The following RBM10 variants were observed in gnomAD, a reference collection of about 807,000 sequenced individuals.
RBM10 encodes the protein RNA binding motif protein 10.
Under a neutral mutation model 84.9 loss-of-function variants are expected in RBM10, and 1 was observed. The observed-to-expected ratio is 0.01, with a 90% CI of 0.00 to 0.06. The LOEUF is 0.06. Ranked by LOEUF, RBM10 falls within the 10% of genes least tolerant of loss-of-function variation. The pLI is 1.00. For missense variants in RBM10, 438 were observed against 839.0 expected (o/e 0.52, Z 5.90); for synonymous variants, 326 against 344.5 (o/e 0.95, Z 0.60).
Position 47,145,502 on chromosome X carries a change from G to GT in RBM10, c.-126+18dup, listed in dbSNP as rs782756726. The GT allele has an allele frequency of 8.7e-7, 1 of 1,150,099 alleles. No homozygotes were observed. Among genetic ancestry groups the GT allele is most frequent in the South Asian group, 1.9e-5 (1 of 52,288 alleles). The allele number at this position is 1,150,099 out of a possible 1,213,427, so 94.8% of individuals were successfully genotyped here. A position where few individuals can be genotyped will look rare whatever the true frequency, so the allele number is the denominator to read the frequency against. On this transcript the variant is annotated intron_variant, in intron 1 of 23. Transcript: ENST00000377604. The stretch of plus-strand genomic sequence containing the variant: ...GCCGAGAAGGTGAGCGTCGACGCTG[G>GT]TCGTGGGGGCGGAGGTAAGGGGCCC...
rs1157106607 is a variant in RBM10, at chrX:47,186,708, C to T, written c.*109C>T. The T allele has an allele frequency of 9.3e-5, 95 of 1,022,559 alleles. No homozygotes were observed. Among genetic ancestry groups the T allele is most frequent in the Non-Finnish European group, 1.2e-4 (91 of 732,692 alleles). 84.3% of individuals were successfully genotyped at this position (1,022,559 alleles called of 1,213,427 possible). A position where few individuals can be genotyped will look rare whatever the true frequency, so the allele number is the denominator to read the frequency against. On this transcript the variant is annotated 3_prime_UTR_variant, in exon 24 of 24. Transcript: ENST00000377604. ...CCTTGCTCTTGTCGGCCAGCCCACT[C>T]CCCAGCCAGAGAGGGCTTGACCAAA...
At chrX:47,148,497 T>C (rs896184808) in intron 2 of RBM10, among the ~76,000 whole-genome samples, 9 of 111,222 alleles carry the variant, frequency 8.1e-5, no homozygotes, top group Non-Finnish European at 1.3e-4. Flanking sequence ...CTGTCATAGG[T>C]CAGCAAAAGG....
chrX:47,169,556 GTGTC>G (rs1488796658), intron 3 of RBM10, 58 bp downstream of exon 3: 26 of 1,107,895 alleles, frequency 2.3e-5, no homozygotes, highest in Middle Eastern at 3.3e-4. Context: ...AGGGCCCTCT[GTGTC>G]TGGCTGCAGC....
intron 2 of RBM10, chrX:47,157,379 A>G (rs187226275): frequency 6.4e-6 from 2 of 314,366 alleles, no homozygotes; most frequent in East Asian, 1.5e-4. Flanking sequence ...GATTGAATAC[A>G]GTAGACATCT....
intron 6 of RBM10, among the ~76,000 whole-genome samples, chrX:47,176,062 T>G (rs2147154098): frequency 8.9e-6 from 1 of 112,946 alleles, no homozygotes; most frequent in African/African-American, 3.2e-5. Context: ...CTCTTTCTTT[T>G]TCCCCTTCTC....
At chrX:47,153,567 A>G (rs1249342486) in intron 2 of RBM10, among the ~76,000 whole-genome samples, 1 of 111,861 alleles carries the variant, frequency 8.9e-6, no homozygotes, top group Non-Finnish European at 1.9e-5. Flanking sequence ...ATTTATGTAT[A>G]TTTTTAAAAC....
chrX:47,159,798 A>G (rs781803916), intron 2 of RBM10, among the ~76,000 whole-genome samples: 1 of 111,896 alleles, frequency 8.9e-6, no homozygotes, highest in African/African-American at 3.2e-5. Flanking sequence ...CCGGACCCTT[A>G]CCTCTCACCA....
chrX:47,181,726 C>T (rs1425623930), intron 14 of RBM10, 23 bp from the exon 15 acceptor site: 2 of 1,210,598 alleles, frequency 1.7e-6, no homozygotes, highest in African/African-American at 3.5e-5. Context: ...GAGCCCTGTT[C>T]TCCTGTCTGG....
In RBM10 at chrX:47,186,476, C is replaced by T. The variant is rs149725208; in HGVS notation, c.2670C>T (p.Ala890=). The T allele has an allele frequency of 8.3e-7, 1 of 1,205,957 alleles. No homozygotes were observed. The highest frequency in any genetic ancestry group is 1.1e-6 in the Non-Finnish European group (1 of 892,688). ...CAGAGCCTGCCTCCCTCACACAGGC[C>T]CAAACACGGGTGCGGGGCTCCGGCC... ...KKQGIVTPIE[A]QTRVRGSGLG... is the part of the protein sequence containing the mutation. The change falls in exon 24 of 24, where the codon GCC becomes GCT. Residue 890 remains alanine, a splice_region_variant and synonymous_variant. Coordinates refer to ENST00000377604, the MANE Select transcript of RBM10 (RefSeq NM_005676.5).
At chrX:47,164,794 A>G (rs1293548384) in intron 2 of RBM10, among the ~76,000 whole-genome samples, 1 of 112,218 alleles carries the variant, frequency 8.9e-6, no homozygotes, top group Non-Finnish European at 1.9e-5. Context: ...ATTGAAAGCA[A>G]TAATTCAAAC....
In RBM10 at chrX:47,184,995, G is replaced by C. The variant is rs150294043; in HGVS notation, c.1951-60G>C. The C allele has an allele frequency of 1.9e-3, 2,140 of 1,151,674 alleles. 25 individuals are homozygous for C. In the African/African-American group the frequency reaches 0.034, roughly 18 times the overall value. 94.9% of individuals were successfully genotyped at this position (1,151,674 alleles called of 1,213,427 possible). ...ATGCAGGGCAGTGGGTCAGCAGATA[G>C]AGTTAGTAGCCCCAGGGTCATGAGG... On this transcript the variant is annotated intron_variant, in intron 17 of 23. Coordinates refer to ENST00000377604, the MANE Select transcript of RBM10 (RefSeq NM_005676.5).
chrX:47,177,924 A>T (rs1172205699), intron 7 of RBM10, among the ~76,000 whole-genome samples: 2 of 111,551 alleles, frequency 1.8e-5, no homozygotes, highest in Non-Finnish European at 3.8e-5. Flanking sequence ...GCCCAAAACC[A>T]GGGAATTCTC....
chrX:47,147,214 C>T, intron 1 of RBM10, 143 bp from the exon 2 acceptor site: 1 of 626,302 alleles, frequency 1.6e-6, no homozygotes, highest in Non-Finnish European at 2.6e-6. Flanking sequence ...TACCTTCATA[C>T]TGTGATGCAC....
chrX:47,169,622 C>T (rs1219514656), intron 3 of RBM10, 124 bp downstream of exon 3: 24 of 721,576 alleles, frequency 3.3e-5, no homozygotes, highest in Admixed American at 6.2e-5. Context: ...TGCTCGGTGG[C>T]TTTGCCTCAC....
chrX:47,151,232 T>G (rs782271898), intron 2 of RBM10, among the ~76,000 whole-genome samples: 1 of 110,999 alleles, frequency 9.0e-6, no homozygotes, highest in South Asian at 3.8e-4. Flanking sequence ...AGTTTCACCA[T>G]GTTGTCCAGG....
intron 9 of RBM10, 116 bp downstream of exon 9, chrX:47,179,611 G>T: frequency 1.1e-6 from 1 of 901,851 alleles, no homozygotes; most frequent in Non-Finnish European, 1.6e-6. Context: ...CTTGGTGCGG[G>T]GATAGACATT....
intron 6 of RBM10, among the ~76,000 whole-genome samples, chrX:47,175,711 A>C (rs1254965387): frequency 9.0e-6 from 1 of 110,883 alleles, no homozygotes; most frequent in Non-Finnish European, 1.9e-5. Flanking sequence ...CGCAGGAGGC[A>C]CCACCTCAGG....
intron 2 of RBM10, among the ~76,000 whole-genome samples, chrX:47,168,373 C>A (rs1401142606): frequency 2.7e-5 from 3 of 110,679 alleles, no homozygotes; most frequent in African/African-American, 9.9e-5. Flanking sequence ...TGTGGTGAAA[C>A]CCCATCTCTA....
intron 2 of RBM10, chrX:47,156,752 A>G (rs1933183410): frequency 5.9e-6 from 1 of 170,535 alleles, no homozygotes; most frequent in African/African-American, 3.2e-5. Context: ...TACTACCCAC[A>G]TAGGCATTGG....
Sources: gnomAD v4.1 joint callset for allele counts (sites outside exome capture counted in the v4.1 genomes callset) on GRCh38, gnomAD v4.1.1 for gene constraint, MANE v1.5 for transcripts, NCBI Gene and HGNC (gene_info 2026-07-23, HGNC 2026-07-21) for gene names.